DAB1: variants seen among roughly 807,000 people sequenced by gnomAD.
DAB1 encodes the protein DAB adaptor protein 1, also known as disabled homolog 1.
A neutral mutation model predicts 64.6 loss-of-function variants in DAB1; 15 were observed. The ratio of observed to expected loss-of-function variants is 0.23; its 90% CI spans 0.16 to 0.36. DAB1 has a LOEUF of 0.36. DAB1 is among the 10% of genes least tolerant of loss of function. The pLI is 1.00. For missense variants in DAB1, 596 were observed against 706.7 expected, an observed-to-expected ratio of 0.84 and a Z score of 1.78; for synonymous variants, 235 against 251.9, an observed-to-expected ratio of 0.93 and a Z score of 0.64.
At chr1:58,040,095 C>T (rs112470845) in intron 5 of DAB1, among the ~76,000 whole-genome samples, 1,561 of 152,038 alleles carry the variant, frequency 0.01, 11 homozygotes, top group African/African-American at 0.024. Flanking sequence ...TGATAGGGCA[C>T]GATAGTAATA....
chr1:57,896,998 G>A (rs1644401142), intron 5 of DAB1, among the ~76,000 whole-genome samples: 1 of 152,120 alleles, frequency 6.6e-6, no homozygotes, highest in African/African-American at 2.4e-5. Context: ...AATAGCTACA[G>A]GCTGGCCGTT....
intron 1 of DAB1, among the ~76,000 whole-genome samples, chr1:57,388,635 G>A (rs768110936): frequency 2.6e-5 from 4 of 152,160 alleles, no homozygotes; most frequent in South Asian, 2.1e-4. Flanking sequence ...AGTCTGCCTC[G>A]TCTCTTTCTC....
chr1:57,680,598 ATC>A (rs1433681156), intron 6 of DAB1, among the ~76,000 whole-genome samples: 5 of 152,178 alleles, frequency 3.3e-5, no homozygotes, highest in African/African-American at 9.7e-5. Flanking sequence ...TTTCAACAGT[ATC>A]TCTCTTTCTC....
intron 5 of DAB1, among the ~76,000 whole-genome samples, chr1:57,968,623 C>G (rs1444083419): frequency 6.6e-6 from 1 of 152,126 alleles, no homozygotes; most frequent in East Asian, 1.9e-4. Context: ...ATGCTACAGA[C>G]CATTTTTTGT....
chr1:57,601,193 A>C (rs1195116800), intron 7 of DAB1, among the ~76,000 whole-genome samples: 5 of 152,134 alleles, frequency 3.3e-5, no homozygotes, highest in Admixed American at 3.3e-4. Flanking sequence ...CGAGAGAGTC[A>C]ATCCAGACTC....
At chr1:57,273,017 G>A (rs1671137171) in intron 2 of DAB1, among the ~76,000 whole-genome samples, 1 of 152,156 alleles carries the variant, frequency 6.6e-6, no homozygotes, top group African/African-American at 2.4e-5. Context: ...AGGTCAAAAT[G>A]TTCTGGAAAT....
intron 1 of DAB1, chr1:58,534,223 T>A: frequency 1.1e-6 from 1 of 871,990 alleles, no homozygotes; most frequent in Non-Finnish European, 2.0e-6. Context: ...ATCTGAGAGA[T>A]CCCTGGAACA....
At chr1:57,867,750 A>C (rs1452260659) in intron 1 of DAB1, among the ~76,000 whole-genome samples, 1 of 152,148 alleles carries the variant, frequency 6.6e-6, no homozygotes, top group Non-Finnish European at 1.5e-5. Flanking sequence ...ACAGCTAAGG[A>C]CAGAAGTGAT....
chr1:58,316,804 T>A (rs1190275938), intron 4 of DAB1, among the ~76,000 whole-genome samples: 1 of 152,162 alleles, frequency 6.6e-6, no homozygotes, highest in Non-Finnish European at 1.5e-5. Flanking sequence ...TCCACTGTCT[T>A]CCCAGTACCT....
chr1:58,363,776 G>A (rs1399620675), intron 3 of DAB1, among the ~76,000 whole-genome samples: 3 of 152,212 alleles, frequency 2.0e-5, no homozygotes, highest in Non-Finnish European at 2.9e-5. Flanking sequence ...TCTTGTCTCA[G>A]ACTGTAAGTT....
intron 1 of DAB1, among the ~76,000 whole-genome samples, chr1:57,413,055 C>G (rs996739858): frequency 1.3e-5 from 2 of 152,100 alleles, no homozygotes; most frequent in Non-Finnish European, 2.9e-5. Flanking sequence ...TTCTAGGGCC[C>G]TTAAGAATTA....
intron 6 of DAB1, among the ~76,000 whole-genome samples, chr1:57,783,538 T>A (rs931863550): frequency 1.3e-5 from 2 of 152,218 alleles, no homozygotes; most frequent in Non-Finnish European, 2.9e-5. Flanking sequence ...AATATTGATT[T>A]GCTTAGTGTC....
intron 4 of DAB1, among the ~76,000 whole-genome samples, chr1:57,088,381 T>G (rs1653308994): frequency 6.6e-6 from 1 of 152,180 alleles, no homozygotes; most frequent in Non-Finnish European, 1.5e-5. Flanking sequence ...CCACTAACAC[T>G]GAGTTTCTAA....
At chr1:57,687,778 T>A (rs1646718543) in intron 6 of DAB1, among the ~76,000 whole-genome samples, 1 of 151,974 alleles carries the variant, frequency 6.6e-6, no homozygotes, top group Non-Finnish European at 1.5e-5. Flanking sequence ...TCTACAACCA[T>A]CTGATCTTTG....
intron 5 of DAB1, among the ~76,000 whole-genome samples, chr1:58,091,482 G>A (rs1650652997): frequency 6.6e-6 from 1 of 152,058 alleles, no homozygotes; most frequent in South Asian, 2.1e-4. Flanking sequence ...TCTTTACAAT[G>A]ATAACCCTGT....
chr1:57,651,877 A>C (rs1646260576), intron 6 of DAB1, among the ~76,000 whole-genome samples: 1 of 152,212 alleles, frequency 6.6e-6, no homozygotes, highest in African/African-American at 2.4e-5. Context: ...TCAGTGCGAA[A>C]ATTACGGCAG....
At chr1:57,452,981 G>A (rs72676921) in intron 7 of DAB1, among the ~76,000 whole-genome samples, 5,598 of 151,574 alleles carry the variant, frequency 0.037, 251 homozygotes, top group Admixed American at 0.13. Context: ...AAGGCAGAGT[G>A]AAAAGGAAGA....
chr1:57,319,125 G>T (rs999137773), intron 1 of DAB1, among the ~76,000 whole-genome samples: 1 of 152,302 alleles, frequency 6.6e-6, no homozygotes, highest in South Asian at 2.1e-4. Flanking sequence ...TGTCTTTTTA[G>T]AAGTGTTGCA....
In DAB1 at chr1:56,995,361, C is replaced by T. The variant is rs1645578617; in HGVS notation, c.*2783G>A. 1 of 152,230 alleles carries T rather than the reference C, an allele frequency of 6.6e-6. No individual in the cohort carries two copies. Among genetic ancestry groups the T allele is most frequent in the Non-Finnish European group, 1.5e-5 (1 of 68,074 alleles). 9.4% of individuals were successfully genotyped at this position (152,230 alleles called of 1,614,324 possible). A position where few individuals can be genotyped will look rare whatever the true frequency, so the allele number is the denominator to read the frequency against. Reference sequence around the variant, plus strand: ...TGGAAATTTCACTGTACTCCTGGGACAGGATACGGTGCTTCCAGGCTCACC... The same window carrying T: ...TGGAAATTTCACTGTACTCCTGGGATAGGATACGGTGCTTCCAGGCTCACC... On this transcript the variant is annotated 3_prime_UTR_variant, in exon 15 of 15. Transcript: ENST00000371236.
Sources: allele counts gnomAD v4.1 joint callset (sites outside exome capture counted in the v4.1 genomes callset), GRCh38; gene constraint gnomAD v4.1.1; transcripts MANE v1.5; gene names NCBI Gene and HGNC (gene_info 2026-07-23, HGNC 2026-07-21).